Variants in GRID2 observed in about 807,000 individuals in gnomAD.
The protein encoded by GRID2 is glutamate receptor ionotropic, delta-2.
A neutral mutation model predicts 114.8 loss-of-function variants in GRID2; 33 were observed. The observed-to-expected ratio is 0.29, with a 90% CI of 0.22 to 0.38. The LOEUF is 0.38. Among genes scored for constraint, GRID2 ranks in the 10% least tolerant of loss-of-function variants. The pLI, the probability that GRID2 is intolerant of heterozygous loss-of-function variation, is 1.00. For synonymous variants in GRID2, 505 were observed against 449.9 expected, an observed-to-expected ratio of 1.12 and a Z score of -1.55; for missense variants, 1,184 against 1,257.7, an observed-to-expected ratio of 0.94 and a Z score of 0.89.
At chr4:92,441,840 A>G (rs1314001480) in intron 1 of GRID2, among the ~76,000 whole-genome samples, 1 of 152,066 alleles carries the variant, frequency 6.6e-6, no homozygotes, top group African/African-American at 2.4e-5. Flanking sequence ...AGGAGGACGC[A>G]AAGGAGGCTT....
intron 14 of GRID2, among the ~76,000 whole-genome samples, chr4:93,633,783 C>T (rs1721161163): frequency 6.6e-6 from 1 of 152,130 alleles, no homozygotes; most frequent in Non-Finnish European, 1.5e-5. Flanking sequence ...AATTTTTATG[C>T]TTTTTCCCAC....
chr4:93,454,236 CTG>C (rs1560635553), intron 10 of GRID2, among the ~76,000 whole-genome samples: 1 of 152,000 alleles, frequency 6.6e-6, no homozygotes, highest in Non-Finnish European at 1.5e-5. Flanking sequence ...AAATTTCACA[CTG>C]TTTTAATATA....
chr4:93,684,079 T>C (rs1365312087), intron 14 of GRID2, among the ~76,000 whole-genome samples: 1 of 152,170 alleles, frequency 6.6e-6, no homozygotes, highest in African/African-American at 2.4e-5. Context: ...ATTATAGTTA[T>C]CTATACACAC....
intron 2 of GRID2, among the ~76,000 whole-genome samples, chr4:92,715,765 A>G (rs1390448218): frequency 6.6e-6 from 1 of 152,208 alleles, no homozygotes; most frequent in African/African-American, 2.4e-5. Context: ...ACGTATCACT[A>G]GGTCCCTCCC....
chr4:92,335,962 A>G (rs956845656), intron 1 of GRID2, among the ~76,000 whole-genome samples: 2 of 152,196 alleles, frequency 1.3e-5, no homozygotes, highest in African/African-American at 4.8e-5. Flanking sequence ...ATGTGTATAC[A>G]CTGACAAACT....
At chr4:92,732,369 C>G (rs1736369047) in intron 2 of GRID2, among the ~76,000 whole-genome samples, 1 of 151,922 alleles carries the variant, frequency 6.6e-6, no homozygotes, top group Non-Finnish European at 1.5e-5. Context: ...CTCTACAAAT[C>G]TTTTACTGAG....
At chr4:92,710,012 A>G (rs146210924) in intron 2 of GRID2, among the ~76,000 whole-genome samples, 26 of 152,240 alleles carry the variant, frequency 1.7e-4, no homozygotes, top group Admixed American at 1.6e-3. Context: ...TTTGAAAGTA[A>G]ATTAATTTTA....
intron 8 of GRID2, among the ~76,000 whole-genome samples, chr4:93,324,147 C>T (rs1410172708): frequency 6.6e-6 from 1 of 152,084 alleles, no homozygotes; most frequent in Non-Finnish European, 1.5e-5. Context: ...AGAGTGCTTC[C>T]AGTTTTTGTC....
intron 4 of GRID2, among the ~76,000 whole-genome samples, chr4:93,155,489 T>C (rs984717576): frequency 6.6e-6 from 1 of 151,994 alleles, no homozygotes; most frequent in Admixed American, 6.6e-5. Flanking sequence ...ATTACTGCAC[T>C]TAACAAATTT....
intron 1 of GRID2, among the ~76,000 whole-genome samples, chr4:92,565,400 T>TTA (rs1034273147): frequency 1.8e-4 from 27 of 152,034 alleles, no homozygotes; most frequent in African/African-American, 6.3e-4. Flanking sequence ...GCTAGAAGCT[T>TTA]TATATATATT....
At chr4:93,325,277 T>C (rs1010698360) in intron 8 of GRID2, among the ~76,000 whole-genome samples, 1 of 152,012 alleles carries the variant, frequency 6.6e-6, no homozygotes, top group Non-Finnish European at 1.5e-5. Context: ...TTTTAAAATG[T>C]GTCTTCTTTC....
At chr4:92,658,791 G>GTATATA (rs1413369586) in intron 2 of GRID2, among the ~76,000 whole-genome samples, 1 of 111,146 alleles carries the variant, frequency 9.0e-6, no homozygotes, top group African/African-American at 3.1e-5. Flanking sequence ...GTGTGTGTGT[G>GTATATA]TGTATATATA....
intron 13 of GRID2, among the ~76,000 whole-genome samples, chr4:93,563,646 A>T (rs890092161): frequency 2.6e-5 from 4 of 151,910 alleles, no homozygotes; most frequent in South Asian, 2.1e-4. Flanking sequence ...TGTGTTTTTT[A>T]AAAAAATCTC....
intron 2 of GRID2, among the ~76,000 whole-genome samples, chr4:93,029,823 C>T (rs1249242331): frequency 1.3e-5 from 2 of 152,050 alleles, no homozygotes; most frequent in Admixed American, 1.3e-4. Context: ...TTCTTCTGCC[C>T]AGTCTCTCAA....
intron 2 of GRID2, among the ~76,000 whole-genome samples, chr4:92,912,736 A>G (rs1748481633): frequency 6.6e-6 from 1 of 151,856 alleles, no homozygotes; most frequent in Non-Finnish European, 1.5e-5. Context: ...AGAGATGTCG[A>G]AAACAAACTC....
At chr4:92,692,429 G>A (rs373608589) in intron 2 of GRID2, among the ~76,000 whole-genome samples, 32 of 152,036 alleles carry the variant, frequency 2.1e-4, no homozygotes, top group African/African-American at 7.7e-4. Flanking sequence ...GAAATTAAAT[G>A]CTCTTATGTT....
chr4:93,058,898 T>C (rs1727517271), intron 2 of GRID2, among the ~76,000 whole-genome samples: 1 of 151,378 alleles, frequency 6.6e-6, no homozygotes, highest in Non-Finnish European at 1.5e-5. Flanking sequence ...AAAGAAATTG[T>C]TACTACTTGG....
chr4:92,706,710 T>C (rs762032570), intron 2 of GRID2, among the ~76,000 whole-genome samples: 5 of 152,198 alleles, frequency 3.3e-5, no homozygotes, highest in Non-Finnish European at 7.3e-5. Flanking sequence ...GGAAAACCTG[T>C]TTGATTATCA....
chr4:93,411,824 T>C (rs1767165722), intron 9 of GRID2, among the ~76,000 whole-genome samples: 1 of 152,088 alleles, frequency 6.6e-6, no homozygotes, highest in Non-Finnish European at 1.5e-5. Context: ...TATTAATTTA[T>C]CTAGGGTTGT....
Sources: allele counts gnomAD v4.1 joint callset (sites outside exome capture counted in the v4.1 genomes callset), GRCh38; gene constraint gnomAD v4.1.1; transcripts MANE v1.5; gene names NCBI Gene and HGNC (gene_info 2026-07-23, HGNC 2026-07-21).